KIAA0825: variants seen among roughly 807,000 people sequenced by gnomAD.
KIAA0825 encodes uncharacterized protein KIAA0825.
Under a neutral mutation model 147.6 loss-of-function variants are expected in KIAA0825, and 119 were observed. The ratio of observed to expected loss-of-function variants is 0.81; its 90% CI spans 0.69 to 0.94. The LOEUF (loss-of-function observed/expected upper bound fraction) is 0.94, where lower values mean the gene tolerates loss of function less well. KIAA0825 is among the 40% of genes least tolerant of loss of function. The pLI is 0.00. For synonymous variants in KIAA0825, 470 were observed against 518.1 expected, an observed-to-expected ratio of 0.91 and a Z score of 1.26; for missense variants, 1,381 against 1,472.7, an observed-to-expected ratio of 0.94 and a Z score of 1.02.
intron 20 of KIAA0825, among the ~76,000 whole-genome samples, chr5:94,352,745 A>G (rs1343491284): frequency 1.3e-5 from 2 of 152,254 alleles, no homozygotes; most frequent in Non-Finnish European, 2.9e-5. Flanking sequence ...CTATGCAGCC[A>G]TAAAAAGGAA....
At chr5:94,258,910 G>C (rs1475453914) in intron 20 of KIAA0825, among the ~76,000 whole-genome samples, 1 of 151,940 alleles carries the variant, frequency 6.6e-6, no homozygotes, top group Non-Finnish European at 1.5e-5. Flanking sequence ...ATGCCATTTT[G>C]GGGTAATCTC....
intron 2 of KIAA0825, among the ~76,000 whole-genome samples, chr5:94,558,093 T>C (rs1472214826): frequency 6.6e-6 from 1 of 152,088 alleles, no homozygotes; most frequent in Non-Finnish European, 1.5e-5. Context: ...CGTTCCACGG[T>C]TCTCTTCTAT....
At chr5:94,512,394 G>C (rs1015055115) in intron 5 of KIAA0825, among the ~76,000 whole-genome samples, 4 of 151,912 alleles carry the variant, frequency 2.6e-5, no homozygotes, top group African/African-American at 9.7e-5. Context: ...CAAAAATTTA[G>C]GGATTAATTG....
At chr5:94,559,125 T>C (rs1182854589) in intron 2 of KIAA0825, among the ~76,000 whole-genome samples, 2 of 151,266 alleles carry the variant, frequency 1.3e-5, no homozygotes, top group South Asian at 2.1e-4. Flanking sequence ...GAAACTAAGA[T>C]GGGAAGAAAG....
At chr5:94,258,154 T>A (rs1776331278) in intron 20 of KIAA0825, among the ~76,000 whole-genome samples, 1 of 152,052 alleles carries the variant, frequency 6.6e-6, no homozygotes, top group South Asian at 2.1e-4. Flanking sequence ...GGGGAAACAT[T>A]AAATTCATAT....
intron 13 of KIAA0825, among the ~76,000 whole-genome samples, chr5:94,445,286 A>G (rs1360967008): frequency 6.6e-6 from 1 of 152,152 alleles, no homozygotes; most frequent in Non-Finnish European, 1.5e-5. Context: ...TAATTGATAA[A>G]ACTTGCCACT....
chr5:94,281,676 A>C (rs1777473177), intron 20 of KIAA0825, among the ~76,000 whole-genome samples: 2 of 152,114 alleles, frequency 1.3e-5, no homozygotes, highest in African/African-American at 2.4e-5. Context: ...ACCACATGCC[A>C]GTAGCAACCC....
chr5:94,347,690 TCCA>T (rs1783173805), intron 20 of KIAA0825, among the ~76,000 whole-genome samples: 1 of 152,040 alleles, frequency 6.6e-6, no homozygotes, highest in African/African-American at 2.4e-5. Context: ...AAAGAGCCTA[TCCA>T]AATGAGAAAA....
At chr5:94,440,569 A>G (rs1207665188) in intron 13 of KIAA0825, among the ~76,000 whole-genome samples, 1 of 152,054 alleles carries the variant, frequency 6.6e-6, no homozygotes, top group Non-Finnish European at 1.5e-5. Flanking sequence ...ATTGCAGATG[A>G]AAAAAAATCA....
rs185852807 is a variant in KIAA0825, at chr5:94,422,190, A to T, written c.2498-4825T>A. Among the ~76,000 whole-genome samples the T allele has an allele frequency of 1.6e-4, 24 of 152,286 alleles. No individual in the cohort carries two copies. In the South Asian group the frequency reaches 2.3e-3, roughly 14 times the overall value. ...ACCTACTACTGCCCTTTTACCCTGA[A>T]GCAGGCCTTCACGGAATTCTGACTT... On this transcript the variant is annotated intron_variant, in intron 14 of 20. Transcript: ENST00000682413.
At chr5:94,163,586 T>C (rs1767769781) in intron 20 of KIAA0825, among the ~76,000 whole-genome samples, 1 of 152,202 alleles carries the variant, frequency 6.6e-6, no homozygotes, top group African/African-American at 2.4e-5. Flanking sequence ...GATGTTATTA[T>C]AGTTAATTCT....
At chr5:94,315,644 A>T (rs1441270923) in intron 20 of KIAA0825, among the ~76,000 whole-genome samples, 2 of 151,770 alleles carry the variant, frequency 1.3e-5, no homozygotes. Context: ...TGTGACATAA[A>T]TTGTAGTTAT....
intron 12 of KIAA0825, among the ~76,000 whole-genome samples, chr5:94,458,755 A>T (rs1175924479): frequency 2.6e-4 from 40 of 151,416 alleles, no homozygotes; most frequent in African/African-American, 9.3e-4. Context: ...TTTTTTTTAA[A>T]AAAAAAAAAT....
rs574293739 is a variant in KIAA0825 at position 94,391,525 on chromosome 5, G to T, written c.3456+10C>A. 6.5e-7 allele frequency: 1 copy of T among 1,549,524 alleles called. No individual in the cohort carries two copies. Among genetic ancestry groups the T allele is most frequent in the South Asian group, 1.2e-5 (1 of 84,038 alleles). On this transcript the variant is annotated intron_variant, in intron 18 of 20. Coordinates refer to ENST00000682413, the MANE Select transcript of KIAA0825 (RefSeq NM_001145678.3). ...CACCTAATTGCTCGATAAAAAGGCC[G>T]TTTCCCTACCTCATTGAGCTGCATG...
chr5:94,306,523 ATACTT>A (rs1438612465), intron 20 of KIAA0825, among the ~76,000 whole-genome samples: 5 of 151,926 alleles, frequency 3.3e-5, no homozygotes, highest in East Asian at 3.9e-4. Context: ...TGAATATGAA[ATACTT>A]TACTTTATAG....
At chr5:94,236,060 A>G (rs1182403159) in intron 20 of KIAA0825, among the ~76,000 whole-genome samples, 1 of 152,232 alleles carries the variant, frequency 6.6e-6, no homozygotes, top group African/African-American at 2.4e-5. Flanking sequence ...TCTGTAGCCC[A>G]TGGAACAAGG....
chr5:94,370,889 G>A (rs922739642), intron 20 of KIAA0825, among the ~76,000 whole-genome samples: 12 of 152,040 alleles, frequency 7.9e-5, no homozygotes, highest in Non-Finnish European at 1.5e-4. Flanking sequence ...CAGCTTGGGC[G>A]ACAGAGGGAG....
intron 20 of KIAA0825, among the ~76,000 whole-genome samples, chr5:94,312,429 A>C (rs77054290): frequency 4.6e-5 from 7 of 151,626 alleles, no homozygotes; most frequent in African/African-American, 1.7e-4. Flanking sequence ...GCTACCTGCT[A>C]AGAAATGCCT....
intron 20 of KIAA0825, among the ~76,000 whole-genome samples, chr5:94,302,062 G>C (rs1214015829): frequency 3.3e-5 from 5 of 152,038 alleles, no homozygotes; most frequent in Non-Finnish European, 7.4e-5. Flanking sequence ...AGCTTCCCTG[G>C]CCTCCATAGC....
Sources: allele counts gnomAD v4.1 joint callset (sites outside exome capture counted in the v4.1 genomes callset), GRCh38; gene constraint gnomAD v4.1.1; transcripts MANE v1.5; gene names NCBI Gene and HGNC (gene_info 2026-07-23, HGNC 2026-07-21).